The following CDC42BPB variants were observed in gnomAD, a reference collection of about 807,000 sequenced individuals.
CDC42BPB encodes the protein CDC42 binding protein kinase beta, also known as serine/threonine-protein kinase MRCK beta.
In CDC42BPB, 37 loss-of-function variants were observed where a neutral mutation model predicts 214.9. The ratio of observed to expected loss-of-function variants is 0.17; its 90% CI spans 0.13 to 0.23. The LOEUF is 0.23. Among genes scored for constraint, CDC42BPB ranks in the 10% least tolerant of loss-of-function variants. The pLI is 1.00. For missense variants in CDC42BPB, 1,694 were observed against 2,227.0 expected, an observed-to-expected ratio of 0.76 and a Z score of 4.82; for synonymous variants, 931 against 884.0, an observed-to-expected ratio of 1.05 and a Z score of -0.94.
intron 30 of CDC42BPB, among the ~76,000 whole-genome samples, chr14:102,942,601 G>C (rs1891947469): frequency 6.6e-6 from 1 of 152,238 alleles, no homozygotes; most frequent in Admixed American, 6.5e-5. Flanking sequence ...CTAGAGTGTA[G>C]TGGTGTGATC....
intron 29 of CDC42BPB, chr14:102,945,415 A>G (rs1349997631): frequency 3.6e-6 from 2 of 552,676 alleles, no homozygotes; most frequent in Non-Finnish European, 6.7e-6. Flanking sequence ...TCCTCCTCCC[A>G]GGGGGCTTTC....
intron 19 of CDC42BPB, among the ~76,000 whole-genome samples, chr14:102,964,291 G>T (rs1159577739): frequency 6.6e-6 from 1 of 152,244 alleles, no homozygotes; most frequent in Non-Finnish European, 1.5e-5. Flanking sequence ...CGGCAGGCAA[G>T]GCCCTGCACC....
At chr14:102,987,306 C>A (rs563665955) in intron 5 of CDC42BPB, among the ~76,000 whole-genome samples, 12 of 152,384 alleles carry the variant, frequency 7.9e-5, no homozygotes, top group African/African-American at 2.9e-4. Flanking sequence ...TGTGCGCTCT[C>A]AAACACATGT....
rs1311076504 is a variant in CDC42BPB, at chr14:102,957,231, A to ATGAGGGAT, written c.2901+2392_2901+2399dup. Among the ~76,000 whole-genome samples the ATGAGGGAT allele has an allele frequency of 2.1e-5, 3 of 142,780 alleles. No homozygotes were observed. In the East Asian group the frequency reaches 6.1e-4, roughly 29 times the overall value. The allele number at this position is 142,780 out of a possible 152,430, so 93.7% of individuals were successfully genotyped here. The stretch of plus-strand genomic sequence containing the variant: ...AAAAAAAAAAAAAAAAAAGGGAGGG[A>ATGAGGGAT]TGAGGGATTAGCAAGGGCAGGCGTG... On this transcript the variant is annotated intron_variant, in intron 21 of 36. Coordinates refer to ENST00000361246, the MANE Select transcript of CDC42BPB (RefSeq NM_006035.4).
intron 34 of CDC42BPB, chr14:102,938,668 C>G (rs956708522): frequency 5.0e-6 from 3 of 596,390 alleles, no homozygotes; most frequent in Non-Finnish European, 2.1e-6. Context: ...TTGCTCTGTC[C>G]CCCAGGCTGG....
intron 5 of CDC42BPB, among the ~76,000 whole-genome samples, chr14:102,996,204 G>T (rs1595122477): frequency 6.6e-6 from 1 of 152,138 alleles, no homozygotes; most frequent in East Asian, 1.9e-4. Flanking sequence ...GCTGGGCGTG[G>T]TGGTGGGCAC....
chr14:103,045,791 A>G (rs1888253678), intron 1 of CDC42BPB, among the ~76,000 whole-genome samples: 2 of 152,140 alleles, frequency 1.3e-5, no homozygotes. Flanking sequence ...CACACCTGGA[A>G]ACCACAGCGG....
At chr14:102,946,356 CT>C (rs1190847631) in intron 28 of CDC42BPB, 111 bp downstream of exon 28, 1 of 1,215,544 alleles carries the variant, frequency 8.2e-7, no homozygotes, top group Admixed American at 2.1e-5. Context: ...GAGAAACTGT[CT>C]ACAAACCCAA....
rs1891823520 is a variant in CDC42BPB at position 102,940,096 on chromosome 14, A to T, written c.4541T>A (p.Leu1514His). ...CAAGCGTGGAGGCTCGCAGTTGAGG[A>T]GGTTGAGGGTGCCTTCAGAGTTCAG... ...RPLNSEGTLNLLNCEPPRLIY... is the reference protein window; with the variant it reads ...RPLNSEGTLNHLNCEPPRLIY... Residue 1514 changes from leucine (L) to histidine (H), a missense_variant, in exon 32 of 37, where the codon CTC becomes CAC. By Grantham distance (99) the Leu-to-His change is moderately conservative (BLOSUM62 -3). Transcript: ENST00000361246. 2.5e-6 allele frequency: 4 copies of T among 1,613,788 alleles called. No individual in the cohort carries two copies. Among genetic ancestry groups the T allele is most frequent in the Non-Finnish European group, 2.5e-6 (3 of 1,180,004 alleles).
chr14:103,011,581 C>T (rs960271878), intron 2 of CDC42BPB, among the ~76,000 whole-genome samples: 65 of 151,460 alleles, frequency 4.3e-4, no homozygotes, highest in African/African-American at 1.6e-3. Context: ...CTCATCTCTA[C>T]AAAAAATACA....
At chr14:103,047,279 C>CAAAAAAAAAAAA (rs397852207) in intron 1 of CDC42BPB, among the ~76,000 whole-genome samples, 1 of 93,504 alleles carries the variant, frequency 1.1e-5, no homozygotes. Flanking sequence ...GTAATACTCT[C>CAAAAAAAAAAAA]AAAAAAAAAA....
At chr14:102,945,932 G>A (rs1375449569) in intron 28 of CDC42BPB, among the ~76,000 whole-genome samples, 1 of 152,220 alleles carries the variant, frequency 6.6e-6, no homozygotes, top group Non-Finnish European at 1.5e-5. Flanking sequence ...GATTGAGTCT[G>A]CAAGGATTTG....
chr14:102,997,815 C>CCATA (rs1190171647), intron 5 of CDC42BPB, among the ~76,000 whole-genome samples: 1 of 152,222 alleles, frequency 6.6e-6, no homozygotes, highest in Non-Finnish European at 1.5e-5. Context: ...GCTGACTGAA[C>CCATA]CATAGCTGAA....
At chr14:102,953,749 A>G (rs1050583980) in intron 23 of CDC42BPB, among the ~76,000 whole-genome samples, 1 of 152,250 alleles carries the variant, frequency 6.6e-6, no homozygotes, top group Non-Finnish European at 1.5e-5. Context: ...GCACTTGTGG[A>G]AAGGATGAGG....
chr14:102,945,326 C>G (rs1037868058), intron 29 of CDC42BPB: 4 of 474,188 alleles, frequency 8.4e-6, no homozygotes, highest in African/African-American at 5.9e-5. Context: ...GCTGGGAAGA[C>G]TGAAGTGTCA....
chr14:102,980,807 T>C lies in CDC42BPB; in HGVS notation c.1106A>G (p.Asn369Ser). The C allele has an allele frequency of 6.2e-7, 1 of 1,614,200 alleles. No homozygotes were observed. The highest frequency in any genetic ancestry group is 8.5e-7 in the Non-Finnish European group (1 of 1,180,020). Residue 369 changes from asparagine to serine, a missense_variant, in exon 8 of 37, where the codon AAC becomes AGC. This residue lies in a region of CDC42BPB where 225 missense variants were observed against 459.3 expected (regional missense o/e 0.49). Transcript: ENST00000361246. The stretch of plus-strand genomic sequence containing the variant: ...CAGCACGTCGTCATCCACGTCGAAG[T>C]TGGATGTGTCAGAGGGACTGCTCAC... The part of the protein sequence containing the change: ...PDVSSPSDTS[N>S]FDVDDDVLRN...
At chr14:103,051,197 C>T (rs1595197350) in intron 1 of CDC42BPB, among the ~76,000 whole-genome samples, 6 of 150,606 alleles carry the variant, frequency 4.0e-5, no homozygotes, top group African/African-American at 7.5e-5. Flanking sequence ...ATTGCCAAAA[C>T]ACTTCTGATT....
intron 1 of CDC42BPB, among the ~76,000 whole-genome samples, chr14:103,031,946 G>A (rs549984635): frequency 6.6e-6 from 1 of 151,756 alleles, no homozygotes; most frequent in South Asian, 2.1e-4. Context: ...AGTGTCTCCA[G>A]TGAACAACTA....
At chr14:102,959,000 G>C (rs1892834883) in intron 21 of CDC42BPB, among the ~76,000 whole-genome samples, 2 of 114,822 alleles carry the variant, frequency 1.7e-5, no homozygotes, top group South Asian at 6.9e-4. Context: ...TTATTTTCTT[G>C]AAATAATCGC....
Sources: allele counts gnomAD v4.1 joint callset (sites outside exome capture counted in the v4.1 genomes callset), GRCh38; gene constraint gnomAD v4.1.1; regional missense constraint gnomAD v4.1.1; transcripts MANE v1.5; gene names NCBI Gene and HGNC (gene_info 2026-07-23, HGNC 2026-07-21).